Variants in DTWD2 observed in about 807,000 individuals in gnomAD.
DTWD2 encodes the protein DTW motif tRNA-uridine aminocarboxypropyltransferase 2, also known as tRNA-uridine aminocarboxypropyltransferase 2.
A neutral mutation model predicts 31.8 loss-of-function variants in DTWD2; 39 were observed. That is an observed-to-expected ratio of 1.22 (90% CI 0.95 to 1.60). DTWD2 has a LOEUF of 1.60. DTWD2 is among the 40% of genes most tolerant of loss of function. The pLI, the probability that DTWD2 is intolerant of heterozygous loss-of-function variation, is 0.00. For missense variants in DTWD2, 515 were observed against 381.5 expected, an observed-to-expected ratio of 1.35 and a Z score of -2.92; for synonymous variants, 180 against 142.8, an observed-to-expected ratio of 1.26 and a Z score of -1.86.
intron 4 of DTWD2, among the ~76,000 whole-genome samples, chr5:118,877,339 G>A (rs1362563760): frequency 6.6e-6 from 1 of 152,088 alleles, no homozygotes; most frequent in Non-Finnish European, 1.5e-5. Flanking sequence ...AGGCGTGGTG[G>A]CGGGTGCCTG....
chr5:118,938,842 T>TAA (rs140313019), intron 3 of DTWD2, among the ~76,000 whole-genome samples: 3 of 127,708 alleles, frequency 2.3e-5, no homozygotes, highest in African/African-American at 3.4e-5. Flanking sequence ...GGAAGATATT[T>TAA]AAGAAAAAAA....
At chr5:118,861,010 A>T (rs1258255254) in intron 4 of DTWD2, among the ~76,000 whole-genome samples, 1 of 152,182 alleles carries the variant, frequency 6.6e-6, no homozygotes, top group African/African-American at 2.4e-5. Flanking sequence ...CAGGATGAGA[A>T]TTCATTTGTA....
At chr5:118,969,356 T>C (rs532249421) in intron 1 of DTWD2, among the ~76,000 whole-genome samples, 2 of 152,336 alleles carry the variant, frequency 1.3e-5, no homozygotes, top group South Asian at 4.1e-4. Flanking sequence ...AGCAGGTCCC[T>C]GATCCTGTTC....
rs1043225500 is a variant in DTWD2, at chr5:118,836,277, G to C, written c.*4640C>G. Among the ~76,000 whole-genome samples, 3 of 152,004 alleles carry C rather than the reference G, an allele frequency of 2.0e-5. No homozygotes were observed. Among genetic ancestry groups the C allele is most frequent in the African/African-American group, 7.3e-5 (3 of 41,350 alleles). On this transcript the variant is annotated 3_prime_UTR_variant, in exon 6 of 6. Transcript: ENST00000510708. ...TTTATTTGAGACACTGTCTCACTCT[G>C]TCGCCCAGGCTAGAGTGCAGTGGTA...
chr5:118,963,327 C>G lies in DTWD2; in HGVS notation c.219-18678G>C, dbSNP rs374001813. On this transcript the variant is annotated intron_variant, in intron 1 of 5. Transcript: ENST00000510708. ...AAATAGAGTATGATTGCAGAAAGCA[C>G]AGATGAGGGAGGAGCTTTTCACAGA... Among the ~76,000 whole-genome samples, 66 of 152,260 alleles carry G rather than the reference C, an allele frequency of 4.3e-4. 2 individuals carry two copies. Among genetic ancestry groups the G allele is most frequent in the East Asian group, 2.7e-3 (14 of 5,176 alleles).
chr5:118,911,112 A>G (rs1753449137), intron 4 of DTWD2, among the ~76,000 whole-genome samples: 1 of 152,196 alleles, frequency 6.6e-6, no homozygotes, highest in African/African-American at 2.4e-5. Context: ...AACTTATATA[A>G]CTCAATAGCA....
chr5:118,988,009 C>T lies in DTWD2; in HGVS notation c.218+285G>A, dbSNP rs1027184260. The T allele has an allele frequency of 1.9e-5, 13 of 685,102 alleles. No individual in the cohort carries two copies. In the Admixed American group the frequency reaches 2.7e-4, roughly 14 times the overall value. The allele number at this position is 685,102 out of a possible 1,614,324, so 42.4% of individuals were successfully genotyped here. ...GTATTACTGTCATCACCCCTTACTT[C>T]CCCTATTGGACGCTTAAGTTTCTTG... On this transcript the variant is annotated intron_variant, in intron 1 of 5. Coordinates refer to ENST00000510708, the MANE Select transcript of DTWD2 (RefSeq NM_173666.4).
At chr5:118,944,392 T>C (rs1003125349) in intron 2 of DTWD2, among the ~76,000 whole-genome samples, 167 bp downstream of exon 2, 2 of 152,244 alleles carry the variant, frequency 1.3e-5, no homozygotes, top group East Asian at 1.9e-4. Context: ...GACTCTATAC[T>C]ATCAGTTGAA....
At chr5:118,891,773 A>C (rs1488046082) in intron 4 of DTWD2, among the ~76,000 whole-genome samples, 1 of 152,258 alleles carries the variant, frequency 6.6e-6, no homozygotes, top group Non-Finnish European at 1.5e-5. Flanking sequence ...AATGTATTAC[A>C]AACCTTTACT....
At position 118,898,113 on chromosome 5, in the gene DTWD2, C is replaced by T. The variant is rs543881468; in HGVS notation, c.597+30424G>A. ...CCCCTGGACTCAAGTGATCCACCTG[C>T]CTTGACCTCCCAAAGTGCTGAGATT... is the stretch of plus-strand genomic sequence containing the variant. On this transcript the variant is annotated intron_variant, in intron 4 of 5. Coordinates refer to ENST00000510708, the MANE Select transcript of DTWD2 (RefSeq NM_173666.4). Among the ~76,000 whole-genome samples, 41 of 152,220 alleles carry T rather than the reference C, an allele frequency of 2.7e-4. No homozygotes were observed. In the South Asian group the frequency reaches 2.9e-3, roughly 11 times the overall value.
At chr5:118,907,893 A>C (rs1753370127) in intron 4 of DTWD2, among the ~76,000 whole-genome samples, 7 of 152,164 alleles carry the variant, frequency 4.6e-5, no homozygotes, top group Admixed American at 4.6e-4. Flanking sequence ...TATGGCAGAC[A>C]ATCTGCTTTA....
chr5:118,860,035 T>C (rs570963128), intron 4 of DTWD2, among the ~76,000 whole-genome samples: 3 of 152,042 alleles, frequency 2.0e-5, no homozygotes, highest in Admixed American at 6.6e-5. Flanking sequence ...GGAGGATAGC[T>C]TGAGCCCAGG....
rs1264474184 is a variant in DTWD2 at position 118,840,791 on chromosome 5, G to C, written c.*126C>G. On this transcript the variant is annotated 3_prime_UTR_variant, in exon 6 of 6. Coordinates refer to ENST00000510708, the MANE Select transcript of DTWD2 (RefSeq NM_173666.4). Reference sequence around the variant, plus strand: ...AATATTTGGTTTACTTCCTTCTTCTGGGTAAGATTAGTATGCAATTCTCCT... The same window carrying C: ...AATATTTGGTTTACTTCCTTCTTCTCGGTAAGATTAGTATGCAATTCTCCT... 32 of 951,716 alleles carry C rather than the reference G, an allele frequency of 3.4e-5. No individual in the cohort carries two copies. The highest frequency in any genetic ancestry group is 3.7e-5 in the Non-Finnish European group (26 of 696,734). The allele number at this position is 951,716 out of a possible 1,614,324, so 59.0% of individuals were successfully genotyped here.
At chr5:118,863,827 G>A (rs1752321545) in intron 4 of DTWD2, among the ~76,000 whole-genome samples, 2 of 151,996 alleles carry the variant, frequency 1.3e-5, no homozygotes, top group Non-Finnish European at 2.9e-5. Context: ...AATAGTTCCT[G>A]TGTCCAAATT....
intron 4 of DTWD2, among the ~76,000 whole-genome samples, chr5:118,891,855 G>A (rs769098137): frequency 3.9e-5 from 6 of 152,160 alleles, no homozygotes; most frequent in South Asian, 2.1e-4. Flanking sequence ...ACTGCCTTTC[G>A]GTCTCTTAGC....
rs747843463 is a variant in DTWD2 at position 118,988,093 on chromosome 5, G to A, written c.218+201C>T. On this transcript the variant is annotated intron_variant, in intron 1 of 5. Coordinates refer to ENST00000510708, the MANE Select transcript of DTWD2 (RefSeq NM_173666.4). ...CGCTCAGCATATTGCAGGAAGTAAG[G>A]TTAGATAATCATGAACCTGGAAAAA... 1.6e-4 allele frequency: 114 copies of A among 731,226 alleles called. 1 individual carries two copies. In the South Asian group the frequency reaches 1.6e-3, roughly 10 times the overall value. The allele number at this position is 731,226 out of a possible 1,614,324, so 45.3% of individuals were successfully genotyped here.
chr5:118,847,485 T>C (rs369096018), intron 5 of DTWD2, among the ~76,000 whole-genome samples: 12 of 152,294 alleles, frequency 7.9e-5, no homozygotes, highest in African/African-American at 2.6e-4. Flanking sequence ...AAGACTGAGA[T>C]GTTAGTAAGC....
intron 1 of DTWD2, among the ~76,000 whole-genome samples, chr5:118,950,507 G>A (rs935947888): frequency 6.6e-6 from 1 of 152,194 alleles, no homozygotes; most frequent in Non-Finnish European, 1.5e-5. Context: ...CGGGGAAGGA[G>A]TCAGAGAGCC....
At chr5:118,895,170 T>C (rs1022024004) in intron 4 of DTWD2, among the ~76,000 whole-genome samples, 10 of 152,122 alleles carry the variant, frequency 6.6e-5, no homozygotes, top group African/African-American at 9.7e-5. Flanking sequence ...AGTTGCAAGA[T>C]GGGTACAAAA....
Sources: gnomAD v4.1 joint callset for allele counts (sites outside exome capture counted in the v4.1 genomes callset) on GRCh38, gnomAD v4.1.1 for gene constraint, MANE v1.5 for transcripts, NCBI Gene and HGNC (gene_info 2026-07-23, HGNC 2026-07-21) for gene names.